Variants in CDH5 observed in about 807,000 individuals in gnomAD.
CDH5 encodes the protein cadherin 5.
Under a neutral mutation model 62.0 loss-of-function variants are expected in CDH5, and 28 were observed. That is an observed-to-expected ratio of 0.45 (90% CI 0.33 to 0.62). The LOEUF (loss-of-function observed/expected upper bound fraction) is 0.62. Among genes scored for constraint, CDH5 ranks in the 20% least tolerant of loss-of-function variants. CDH5 has a pLI of 0.02. For missense variants in CDH5, 940 were observed against 1,065.1 expected, an observed-to-expected ratio of 0.88 and a Z score of 1.63; for synonymous variants, 464 against 445.8, an observed-to-expected ratio of 1.04 and a Z score of -0.52.
intron 2 of CDH5, among the ~76,000 whole-genome samples, chr16:66,385,800 A>G (rs1418531932): frequency 6.6e-6 from 1 of 152,228 alleles, no homozygotes; most frequent in Non-Finnish European, 1.5e-5. Context: ...GTTGTTTTTC[A>G]TGATTTATTT....
In CDH5 at chr16:66,389,496, A is replaced by G; in HGVS notation, c.755A>G (p.Asn252Ser). ...ATVLVTLQDI[N>S]DNFPFFTQTK... ...GTGCTGGTCACTCTGCAAGACATCA[A>G]TGACAACTTCCCCTTCTTCACCCAG... Residue 252 changes from asparagine (N) to serine (S), a missense_variant, in exon 5 of 12, where the codon AAT (asparagine) becomes AGT (serine). Transcript: ENST00000341529. 1 of 1,601,930 alleles carries G rather than the reference A, an allele frequency of 6.2e-7. No individual in the cohort carries two copies. The highest frequency in any genetic ancestry group is 8.5e-7 in the Non-Finnish European group (1 of 1,171,916).
intron 2 of CDH5, 80 bp from the exon 3 acceptor site, chr16:66,386,729 G>A (rs1412742971): frequency 7.7e-7 from 1 of 1,304,828 alleles, no homozygotes; most frequent in African/African-American, 1.5e-5. Context: ...AGGCACACCT[G>A]TGTACACACA....
In CDH5 at chr16:66,397,763, T is replaced by C. The variant is rs557046568; in HGVS notation, c.1361-219T>C. 7.5e-4 allele frequency among the ~76,000 whole-genome samples: 114 copies of C among 152,296 alleles called. 2 individuals carry two copies. Among genetic ancestry groups the C allele is most frequent in the Non-Finnish European group, 2.1e-4 (14 of 68,026 alleles). ...CACTTAGGTGGTTTACCTTTTTGAT[T>C]CTCATAATCAAAGTAATACCTCAGT... is the stretch of plus-strand genomic sequence containing the variant. On this transcript the variant is annotated intron_variant, in intron 8 of 11. Transcript: ENST00000341529.
intron 1 of CDH5, among the ~76,000 whole-genome samples, chr16:66,374,280 C>T (rs1960745891): frequency 6.6e-6 from 1 of 152,194 alleles, no homozygotes; most frequent in African/African-American, 2.4e-5. Context: ...CATGGGGGTG[C>T]AAATGGGATT....
Position 66,392,411 on chromosome 16 carries a change from A to G in CDH5, c.1217+28A>G, listed in dbSNP as rs771393919. On this transcript the variant is annotated intron_variant, in intron 7 of 11. Coordinates refer to ENST00000341529, the MANE Select transcript of CDH5 (RefSeq NM_001795.5). ...AAGGGGGCGTGTGTCGATGAGAATG[A>G]TAAGGACAATCCGGCCTGGATGTTC... 12 of 1,612,566 alleles carry G rather than the reference A, an allele frequency of 7.4e-6. No homozygotes were observed. In the Admixed American group the frequency reaches 1.7e-4, roughly 22 times the overall value.
chr16:66,367,101 C>T (rs934851019), intron 1 of CDH5, among the ~76,000 whole-genome samples: 4 of 152,236 alleles, frequency 2.6e-5, no homozygotes, highest in Non-Finnish European at 2.9e-5. Flanking sequence ...CCCAGCATGC[C>T]GGGGCAGAGG....
At chr16:66,389,971 G>C (rs1053670499) in intron 5 of CDH5, among the ~76,000 whole-genome samples, 7 of 152,364 alleles carry the variant, frequency 4.6e-5, no homozygotes, top group African/African-American at 1.7e-4. Flanking sequence ...CCACCCCACA[G>C]AGAATGTCTA....
chr16:66,402,729 C>T lies in CDH5; in HGVS notation c.1915C>T (p.His639Tyr). ...GCACGGCAAGAGCGTGCCGGAGATC[C>T]ACGAGCAGCTGGTCACCTACGACGA... ...RAHGKSVPEI[H>Y]EQLVTYDEEG... The change falls in exon 12 of 12, where the codon CAC becomes TAC. Residue 639 changes from histidine (H) to tyrosine (Y), a missense_variant. Physicochemically the swap from His to Tyr is moderately conservative, Grantham distance 83. Coordinates refer to ENST00000341529, the MANE Select transcript of CDH5 (RefSeq NM_001795.5). 1 of 1,609,934 alleles carries T rather than the reference C, an allele frequency of 6.2e-7. No homozygotes were observed. Among genetic ancestry groups the T allele is most frequent in the Non-Finnish European group, 8.5e-7 (1 of 1,179,104 alleles).
At chr16:66,391,997 T>C (rs1036789299) in intron 6 of CDH5, 139 bp from the exon 7 acceptor site, 2 of 990,142 alleles carry the variant, frequency 2.0e-6, no homozygotes, top group Non-Finnish European at 1.5e-6. Flanking sequence ...CTCAGAAATA[T>C]CACTTGTCGA....
At chr16:66,394,298 T>A (rs1464208738) in intron 7 of CDH5, among the ~76,000 whole-genome samples, 1 of 152,238 alleles carries the variant, frequency 6.6e-6, no homozygotes, top group Non-Finnish European at 1.5e-5. Context: ...TTTCATGTTA[T>A]TCATATACGC....
rs777292301 is a variant in CDH5 at position 66,379,424 on chromosome 16, C to A, written c.87C>A (p.Asn29Lys). 3 of 1,614,198 alleles carry A rather than the reference C, an allele frequency of 1.9e-6. No homozygotes were observed. Among genetic ancestry groups the A allele is most frequent in the Non-Finnish European group, 2.5e-6 (3 of 1,180,044 alleles). Residue 29 changes from asparagine (N) to lysine (K), a missense_variant, in exon 2 of 12, where the codon AAC becomes AAA. Physicochemically the swap from Asn to Lys is moderately conservative, Grantham distance 94. Transcript: ENST00000341529. ...AVAAVAAAGA[N>K]PAQRDTHSLL... ...CAGCAGTGGCAGCAGCAGGTGCTAA[C>A]CCTGCCCAACGGGACACCCACAGCC... is the stretch of plus-strand genomic sequence containing the variant.
chr16:66,372,576 C>G (rs1198311102), intron 1 of CDH5, among the ~76,000 whole-genome samples: 2 of 152,184 alleles, frequency 1.3e-5, no homozygotes, highest in Non-Finnish European at 2.9e-5. Context: ...GCAGGAGCCC[C>G]AACCTTTTCT....
chr16:66,388,313 T>C lies in CDH5; in HGVS notation c.500-11T>C. The C allele has an allele frequency of 6.3e-7, 1 of 1,584,630 alleles. No homozygotes were observed. On this transcript the variant is annotated splice_polypyrimidine_tract_variant and intron_variant, in intron 3 of 11. Transcript: ENST00000341529. Reference sequence around the variant, plus strand: ...TCACAAGTCAGCAACCCCAGGATTCTCTCTCTGCAGGGACCTCAGTCATCT... The same window carrying C: ...TCACAAGTCAGCAACCCCAGGATTCCCTCTCTGCAGGGACCTCAGTCATCT...
At chr16:66,371,369 G>A (rs138197949) in intron 1 of CDH5, among the ~76,000 whole-genome samples, 465 of 152,210 alleles carry the variant, frequency 3.1e-3, no homozygotes, top group Non-Finnish European at 5.4e-3. Flanking sequence ...GTTCTAGGCC[G>A]GCTCCTCCCA....
At chr16:66,390,258 C>T (rs192309261) in intron 5 of CDH5, 145 bp from the exon 6 acceptor site, 1 of 622,600 alleles carries the variant, frequency 1.6e-6, no homozygotes, top group South Asian at 2.7e-5. Flanking sequence ...CCCTCTTTAC[C>T]TTGAGAATCC....
chr16:66,400,964 C>A lies in CDH5; in HGVS notation c.1785C>A (p.Gly595=). Residue 595 remains glycine (G), a synonymous_variant, in exon 11 of 12, where the codon GGC becomes GGA. Coordinates refer to ENST00000341529, the MANE Select transcript of CDH5 (RefSeq NM_001795.5). ...TFCEDMAAQV[G]VSIQAVVAIL... ...GCGAGGATATGGCCGCCCAGGTGGG[C>A]GTGAGCATCCAGGCAGTGGTAGCCA... 2 of 1,614,090 alleles carry A rather than the reference C, an allele frequency of 1.2e-6. No individual in the cohort carries two copies. Among genetic ancestry groups the A allele is most frequent in the South Asian group, 1.1e-5 (1 of 91,088 alleles).
intron 4 of CDH5, 50 bp from the exon 5 acceptor site, chr16:66,389,308 G>C: frequency 6.4e-7 from 1 of 1,568,706 alleles, no homozygotes; most frequent in Non-Finnish European, 8.7e-7. Context: ...CTAGGCATCG[G>C]TATTTTCTAG....
rs573093998 is a variant in CDH5, at chr16:66,372,227, A to G, written c.-20+5469A>G. ...GTCACAATTTCAAACTGCATTTTTC[A>G]CCACATGACCGGCATCCCTCTCTCC... On this transcript the variant is annotated intron_variant, in intron 1 of 11. Transcript: ENST00000341529. Among the ~76,000 whole-genome samples the G allele has an allele frequency of 2.0e-5, 3 of 152,246 alleles. No homozygotes were observed. In the South Asian group the frequency reaches 6.2e-4, roughly 32 times the overall value.
chr16:66,402,595 G>A (rs1961305007), intron 11 of CDH5, 57 bp from the exon 12 acceptor site: 2 of 1,454,286 alleles, frequency 1.4e-6, no homozygotes, highest in Admixed American at 2.6e-5. Flanking sequence ...GGGGGCATGG[G>A]GGGCCGCCCA....
Sources: gnomAD v4.1 joint callset for allele counts (sites outside exome capture counted in the v4.1 genomes callset) on GRCh38, gnomAD v4.1.1 for gene constraint, MANE v1.5 for transcripts, NCBI Gene and HGNC (gene_info 2026-07-23, HGNC 2026-07-21) for gene names.